PROC: variants seen among roughly 807,000 people sequenced by gnomAD.
PROC encodes protein C, inactivator of coagulation factors Va and VIIIa.
In PROC, 22 loss-of-function variants were observed where a neutral mutation model predicts 36.3. The ratio of observed to expected loss-of-function variants is 0.61; its 90% CI spans 0.43 to 0.86. PROC has a LOEUF of 0.86. PROC is among the 40% of genes least tolerant of loss of function. The pLI, the probability that PROC is intolerant of heterozygous loss-of-function variation, is 0.00. For missense variants in PROC, 526 were observed against 629.7 expected (o/e 0.84, Z 1.76); for synonymous variants, 218 against 244.5 (o/e 0.89, Z 1.01).
chr2:127,425,142 G>A (rs1688405929), intron 6 of PROC, among the ~76,000 whole-genome samples: 1 of 152,192 alleles, frequency 6.6e-6, no homozygotes, highest in Non-Finnish European at 1.5e-5. Context: ...CCTCCCACCT[G>A]CACTGCCTTC....
chr2:127,425,343 G>A (rs954231122), intron 6 of PROC, among the ~76,000 whole-genome samples: 1 of 152,210 alleles, frequency 6.6e-6, no homozygotes, highest in Non-Finnish European at 1.5e-5. Flanking sequence ...CTCCCCTGCT[G>A]ACGACGTCCC....
rs368367611 is a variant in PROC at position 127,423,407 on chromosome 2, A to G, written c.534A>G (p.Ala178=). 182 of 1,549,560 alleles carry G rather than the reference A, an allele frequency of 1.2e-4. No homozygotes were observed. The highest frequency in any genetic ancestry group is 1.5e-4 in the Non-Finnish European group (172 of 1,146,894). Reference sequence around the variant, plus strand: ...ACGACCTCCTGCAGTGTCACCCCGCAGGTGAGAAGCCCCCAATACATCGCC... The same window carrying G: ...ACGACCTCCTGCAGTGTCACCCCGCGGGTGAGAAGCCCCCAATACATCGCC... ...LGDDLLQCHP[A]VKFPCGRPWK... Residue 178 remains alanine (A), a splice_region_variant and synonymous_variant, in exon 6 of 9, where the codon GCA becomes GCG. Coordinates refer to ENST00000234071, the MANE Select transcript of PROC (RefSeq NM_000312.4).
rs1053253907 is a variant in PROC at position 127,426,236 on chromosome 2, C to T, written c.678+9C>T. 7 of 1,613,794 alleles carry T rather than the reference C, an allele frequency of 4.3e-6. No homozygotes were observed. The highest frequency in any genetic ancestry group is 5.9e-6 in the Non-Finnish European group (7 of 1,180,002). ...GAGACAGCCCCTGGCAGGTGGGAGG[C>T]GAGGCAGCACCGGCTGCTCACGTGC... On this transcript the variant is annotated intron_variant, in intron 7 of 8. Coordinates refer to ENST00000234071, the MANE Select transcript of PROC (RefSeq NM_000312.4). The surrounding 1 kb of genome is among the most constrained non-coding windows in gnomAD (Gnocchi z 7.0).
chr2:127,423,502 T>G, intron 6 of PROC, 94 bp downstream of exon 6: 2 of 1,467,396 alleles, frequency 1.4e-6, no homozygotes, highest in Non-Finnish European at 9.1e-7. Context: ...TCAGGAGGGT[T>G]TCTAGGGAGG....
chr2:127,426,418 G>A lies in PROC; in HGVS notation c.678+191G>A. 1 of 737,550 alleles carries A rather than the reference G, an allele frequency of 1.4e-6. No homozygotes were observed. Among genetic ancestry groups the A allele is most frequent in the Non-Finnish European group, 2.2e-6 (1 of 450,972 alleles). The allele number at this position is 737,550 out of a possible 1,614,324, so 45.7% of individuals were successfully genotyped here. ...GGGGAGAGGAGCAGCCAGGGTGGGT[G>A]AGGGGAGGGGCATGGGGGCATGGAG... On this transcript the variant is annotated intron_variant, in intron 7 of 8. Transcript: ENST00000234071. This position sits in a 1 kb window ranked among gnomAD's most constrained non-coding sequence, Gnocchi z 7.0.
chr2:127,426,367 T>C lies in PROC; in HGVS notation c.678+140T>C. 3.8e-6 allele frequency: 5 copies of C among 1,322,262 alleles called. No individual in the cohort carries two copies. The highest frequency in any genetic ancestry group is 5.3e-6 in the Non-Finnish European group (5 of 947,838). The allele number at this position is 1,322,262 out of a possible 1,614,324, so 81.9% of individuals were successfully genotyped here. A position where few individuals can be genotyped will look rare whatever the true frequency, so the allele number is the denominator to read the frequency against. On this transcript the variant is annotated intron_variant, in intron 7 of 8. Coordinates refer to ENST00000234071, the MANE Select transcript of PROC (RefSeq NM_000312.4). This position sits in a 1 kb window ranked among gnomAD's most constrained non-coding sequence, Gnocchi z 7.0. ...GGGGGATGATGAAGGTGGGGGATGC[T>C]TCAGGGAAAGATGGACGCAACCTGA... is the stretch of plus-strand genomic sequence containing the variant.
chr2:127,429,000 G>A lies in PROC; in HGVS notation c.*54G>A. 6.3e-7 allele frequency: 1 copy of A among 1,588,504 alleles called. No homozygotes were observed. The highest frequency in any genetic ancestry group is 1.1e-5 in the South Asian group (1 of 90,432). ...CATGGCAATGGATGGGACATTAAAG[G>A]GACATGTAACAAGCACACCGGCCTG... is the stretch of plus-strand genomic sequence containing the variant. On this transcript the variant is annotated 3_prime_UTR_variant, in exon 9 of 9. Coordinates refer to ENST00000234071, the MANE Select transcript of PROC (RefSeq NM_000312.4).
rs1422231118 is a variant in PROC at position 127,426,813 on chromosome 2, C to G, written c.679-292C>G. Among the ~76,000 whole-genome samples, 4 of 152,200 alleles carry G rather than the reference C, an allele frequency of 2.6e-5. No homozygotes were observed. The highest frequency in any genetic ancestry group is 6.5e-5 in the Admixed American group (1 of 15,286). ...GGCCACAAAGTCTTCCTGGAAGACA[C>G]AAGGCCTGGCCAAGCCTCTAAGGAT... On this transcript the variant is annotated intron_variant, in intron 7 of 8. Coordinates refer to ENST00000234071, the MANE Select transcript of PROC (RefSeq NM_000312.4). This position sits in a 1 kb window ranked among gnomAD's most constrained non-coding sequence, Gnocchi z 7.0.
Position 127,428,679 on chromosome 2 carries a change from C to T in PROC, c.1119C>T (p.Cys373=). Residue 373 remains cysteine, a synonymous_variant, in exon 9 of 9, where the codon TGC becomes TGT. Transcript: ENST00000234071. ...TTCCCGTGGTCCCGCACAATGAGTGCAGCGAGGTCATGAGCAACATGGTGT... is the reference window on the plus strand; with the variant it reads ...TTCCCGTGGTCCCGCACAATGAGTGTAGCGAGGTCATGAGCAACATGGTGT... ...IKIPVVPHNE[C]SEVMSNMVSE... The T allele has an allele frequency of 6.2e-7, 1 of 1,613,958 alleles. No individual in the cohort carries two copies. Among genetic ancestry groups the T allele is most frequent in the Non-Finnish European group, 8.5e-7 (1 of 1,180,048 alleles).
At chr2:127,422,782 ACCATCGGG>A in intron 3 of PROC, 127 bp from the exon 4 acceptor site, 1 of 1,263,520 alleles carries the variant, frequency 7.9e-7, no homozygotes, top group South Asian at 1.3e-5. Flanking sequence ...GCAGCCAACG[ACCATCGGG>A]CGTCGATCCC....
intron 6 of PROC, 86 bp from the exon 7 acceptor site, chr2:127,425,999 G>A: frequency 2.6e-6 from 4 of 1,551,636 alleles, no homozygotes; most frequent in Non-Finnish European, 3.6e-6. Flanking sequence ...TGGCAAAGTG[G>A]CCCACAGGCT....
chr2:127,420,036 C>CG (rs1558711149), intron 2 of PROC, 24 bp downstream of exon 2: 1 of 1,612,002 alleles, frequency 6.2e-7, no homozygotes. Flanking sequence ...ACCCCTACCC[C>CG]GGGACCCTTG....
intron 3 of PROC, among the ~76,000 whole-genome samples, chr2:127,422,679 G>A (rs1688171926): frequency 6.6e-6 from 1 of 152,222 alleles, no homozygotes; most frequent in Non-Finnish European, 1.5e-5. Flanking sequence ...AGCTGCATGG[G>A]GAGAGGGTGT....
At position 127,423,727 on chromosome 2, in the gene PROC, G is replaced by GT. The variant is rs1338643529; in HGVS notation, c.535+320dup. On this transcript the variant is annotated intron_variant, in intron 6 of 8. Transcript: ENST00000234071. ...GGTGGCTCCGCTCCCCAGTCTGAGCGTATCTGGGGCGAGGCGTGCAGCGTC... is the reference window on the plus strand; with the variant it reads ...GGTGGCTCCGCTCCCCAGTCTGAGCGTTATCTGGGGCGAGGCGTGCAGCGTC... 1.6e-4 allele frequency: 63 copies of GT among 383,278 alleles called. 1 individual carries two copies. In the Middle Eastern group the frequency reaches 2.0e-3, roughly 12 times the overall value. 23.7% of individuals were successfully genotyped at this position (383,278 alleles called of 1,614,324 possible).
At chr2:127,428,198 C>T (rs1276080545) in intron 8 of PROC, among the ~76,000 whole-genome samples, 159 bp from the exon 9 acceptor site, 5 of 152,358 alleles carry the variant, frequency 3.3e-5, no homozygotes, top group South Asian at 2.1e-4. Flanking sequence ...GGTGGCTCCG[C>T]GCCAGTGCCT....
intron 2 of PROC, among the ~76,000 whole-genome samples, chr2:127,420,312 C>T (rs575451438): frequency 2.0e-5 from 3 of 152,298 alleles, no homozygotes; most frequent in Non-Finnish European, 4.4e-5. Context: ...CACCCACTCA[C>T]TCCCTCAACT....
rs1011821944 is a variant in PROC, at chr2:127,426,016, G to A, written c.536-69G>A. 9 of 1,604,672 alleles carry A rather than the reference G, an allele frequency of 5.6e-6. No individual in the cohort carries two copies. Among genetic ancestry groups the A allele is most frequent in the African/African-American group, 4.0e-5 (3 of 74,692 alleles). On this transcript the variant is annotated intron_variant, in intron 6 of 8. Transcript: ENST00000234071. This position sits in a 1 kb window ranked among gnomAD's most constrained non-coding sequence, Gnocchi z 7.0. Reference sequence around the variant, plus strand: ...GCAAAGTGGCCCACAGGCTGGAGGAGGACCAAGACAGGAGGGCAGTCTCGG... The same window carrying A: ...GCAAAGTGGCCCACAGGCTGGAGGAAGACCAAGACAGGAGGGCAGTCTCGG...
Position 127,421,464 on chromosome 2 carries a change from G to A in PROC, c.237+15G>A, listed in dbSNP as rs528055589. ...TGGATGACACAGTAAGGCCACCATG[G>A]GTCCAGAGGATGAGGCTCAGGGGCG... On this transcript the variant is annotated intron_variant, in intron 3 of 8. Coordinates refer to ENST00000234071, the MANE Select transcript of PROC (RefSeq NM_000312.4). The A allele has an allele frequency of 1.4e-5, 22 of 1,613,670 alleles. No homozygotes were observed. The highest frequency in any genetic ancestry group is 3.3e-4 in the Middle Eastern group (2 of 6,060).
At chr2:127,427,720 G>T (rs1688611461) in intron 8 of PROC, among the ~76,000 whole-genome samples, 1 of 152,218 alleles carries the variant, frequency 6.6e-6, no homozygotes, top group Non-Finnish European at 1.5e-5. Context: ...TGGAGGGGGG[G>T]TCTGGCTCAA....
Sources: gnomAD v4.1 joint callset for allele counts (sites outside exome capture counted in the v4.1 genomes callset) on GRCh38, gnomAD v4.1.1 for gene constraint, Gnocchi (gnomAD v3.1) non-coding constraint, MANE v1.5 for transcripts, NCBI Gene and HGNC (gene_info 2026-07-23, HGNC 2026-07-21) for gene names.